Variants in MFN2 observed in about 807,000 individuals in gnomAD.
The protein encoded by MFN2 is mitofusin-2.
A neutral mutation model predicts 87.5 loss-of-function variants in MFN2; 43 were observed. The observed-to-expected ratio is 0.49, with a 90% CI of 0.38 to 0.63. The LOEUF (loss-of-function observed/expected upper bound fraction) is 0.63, where lower values mean the gene tolerates loss of function less well. Among genes scored for constraint, MFN2 ranks in the 30% least tolerant of loss-of-function variants. The pLI is 0.00. For missense variants in MFN2, 743 were observed against 972.8 expected, an observed-to-expected ratio of 0.76 and a Z score of 3.14; for synonymous variants, 337 against 359.9, an observed-to-expected ratio of 0.94 and a Z score of 0.72.
At chr1:12,001,142 C>G (rs947389641) in intron 8 of MFN2, among the ~76,000 whole-genome samples, 2 of 152,202 alleles carry the variant, frequency 1.3e-5, no homozygotes, top group African/African-American at 4.8e-5. Flanking sequence ...TCCTGAGTAG[C>G]TGGGATTACA....
intron 17 of MFN2, among the ~76,000 whole-genome samples, chr1:12,008,942 A>C (rs1351580762): frequency 6.6e-6 from 1 of 152,236 alleles, no homozygotes; most frequent in East Asian, 1.9e-4. Flanking sequence ...CTCCATCTGC[A>C]ATCCCGGCAC....
chr1:12,005,959 A>G (rs767717237), intron 15 of MFN2, 28 bp downstream of exon 15: 1 of 1,603,898 alleles, frequency 6.2e-7, no homozygotes, highest in East Asian at 2.2e-5. Flanking sequence ...CCTCAAGGGC[A>G]TTGTGGGGGG....
chr1:11,991,184 T>C (rs1638657636), intron 3 of MFN2, among the ~76,000 whole-genome samples: 1 of 152,218 alleles, frequency 6.6e-6, no homozygotes, highest in Non-Finnish European at 1.5e-5. Context: ...AGCAGTGCAG[T>C]GATCCAAAGG....
intron 5 of MFN2, 28 bp from the exon 6 acceptor site, chr1:11,997,269 C>T (rs1193264104): frequency 6.2e-7 from 1 of 1,613,718 alleles, no homozygotes; most frequent in Non-Finnish European, 8.5e-7. Flanking sequence ...TCCTCCTCAG[C>T]CTCTTTCTTT....
At chr1:11,995,859 C>T (rs546827486) in intron 4 of MFN2, among the ~76,000 whole-genome samples, 1 of 152,278 alleles carries the variant, frequency 6.6e-6, no homozygotes, top group South Asian at 2.1e-4. Flanking sequence ...TGGAGACAGA[C>T]AGACAGTCTC....
rs541702640 is a variant in MFN2 at position 12,013,362 on chromosome 1, G to C, written c.*1797G>C. Reference sequence around the variant, plus strand: ...AAAGCACTTTAATGCTGCTGACATTGTTGTTTTTATGTTCATTTGCTGGAG... The same window carrying C: ...AAAGCACTTTAATGCTGCTGACATTCTTGTTTTTATGTTCATTTGCTGGAG... On this transcript the variant is annotated 3_prime_UTR_variant, in exon 19 of 19. Coordinates refer to ENST00000235329, the MANE Select transcript of MFN2 (RefSeq NM_014874.4). The C allele has an allele frequency of 6.2e-5, 29 of 470,916 alleles. No individual in the cohort carries two copies. Among genetic ancestry groups the C allele is most frequent in the African/African-American group, 5.6e-4 (28 of 50,200 alleles). 29.2% of individuals were successfully genotyped at this position (470,916 alleles called of 1,614,324 possible). A position where few individuals can be genotyped will look rare whatever the true frequency, so the allele number is the denominator to read the frequency against.
At position 11,992,517 on chromosome 1, in the gene MFN2, TG is replaced by T. The variant is rs373029175; in HGVS notation, c.176-37del. ...CAGACTTGGGACTGTGGAACTCCTC[TG>T]ACCACGTGGTGACCCATTTTCAATC... On this transcript the variant is annotated intron_variant, in intron 3 of 18. Transcript: ENST00000235329. 17 of 1,614,024 alleles carry T rather than the reference TG, an allele frequency of 1.1e-5. No individual in the cohort carries two copies. The African/African-American group carries it at 2.3e-4, about 22-fold the overall frequency.
intron 8 of MFN2, among the ~76,000 whole-genome samples, chr1:11,999,634 A>G (rs1415769819): frequency 6.6e-6 from 1 of 151,454 alleles, no homozygotes; most frequent in Non-Finnish European, 1.5e-5. Context: ...CTGGGATTAC[A>G]GGCATGAGCC....
At chr1:12,011,454 A>G (rs1367455030) in intron 18 of MFN2, 42 bp from the exon 19 acceptor site, 11 of 1,609,322 alleles carry the variant, frequency 6.8e-6, no homozygotes, top group Non-Finnish European at 9.4e-6. Flanking sequence ...AATACTGCCT[A>G]TCATCAGCTA....
chr1:11,998,657 C>T (rs557077901), intron 6 of MFN2, 113 bp from the exon 7 acceptor site: 7 of 927,640 alleles, frequency 7.5e-6, no homozygotes, highest in Non-Finnish European at 1.3e-5. Flanking sequence ...CTCTCCCGTC[C>T]CTGGCTTTCT....
chr1:12,005,674 AG>A (rs1478642763), intron 14 of MFN2, 36 bp from the exon 15 acceptor site: 10 of 1,595,506 alleles, frequency 6.3e-6, no homozygotes, highest in African/African-American at 2.7e-5. Context: ...TGCAGGGCTG[AG>A]CTGATAAGCT....
In MFN2 at chr1:12,012,395, TGAAGGATGTAGTA is replaced by T. The variant is rs1448444243; in HGVS notation, c.*839_*851del. 6.6e-6 allele frequency: 1 copy of T among 152,520 alleles called. No individual in the cohort carries two copies. The highest frequency in any genetic ancestry group is 2.4e-5 in the African/African-American group (1 of 41,332). 9.4% of individuals were successfully genotyped at this position (152,520 alleles called of 1,614,324 possible). A position where few individuals can be genotyped will look rare whatever the true frequency, so the allele number is the denominator to read the frequency against. On this transcript the variant is annotated 3_prime_UTR_variant, in exon 19 of 19. Transcript: ENST00000235329. ...TGGAAGATGGCATGGTCTAGGTGGT[TGAAGGATGTAGTA>T]GAAGGATGGATGGTGGAAGGTGGGG...
chr1:11,998,136 C>T (rs1639009878), intron 6 of MFN2, among the ~76,000 whole-genome samples: 2 of 151,696 alleles, frequency 1.3e-5, no homozygotes. Flanking sequence ...CCCACCTTAG[C>T]CTCCCAAAGT....
At chr1:12,006,066 C>A in intron 15 of MFN2, 135 bp downstream of exon 15, 1 of 762,892 alleles carries the variant, frequency 1.3e-6, no homozygotes. Context: ...CACAGTACAC[C>A]ACAGACAGAA....
At chr1:11,980,860 G>A (rs939650858) in intron 1 of MFN2, among the ~76,000 whole-genome samples, 2 of 152,232 alleles carry the variant, frequency 1.3e-5, no homozygotes, top group Non-Finnish European at 2.9e-5. Context: ...ACTTTGGGCA[G>A]TTACTGCCTT....
At chr1:11,981,251 T>C in intron 1 of MFN2, among the ~76,000 whole-genome samples, 1 of 152,180 alleles carries the variant, frequency 6.6e-6, no homozygotes. Flanking sequence ...ACACCTGTAA[T>C]CCCAGCACTT....
intron 3 of MFN2, among the ~76,000 whole-genome samples, chr1:11,991,920 T>A (rs1256013696): frequency 1.3e-4 from 2 of 15,804 alleles, no homozygotes; most frequent in Non-Finnish European, 1.3e-4. Flanking sequence ...CGAGACTCCG[T>A]CTCAAAAAAA....
chr1:11,984,569 A>G (rs1638311163), intron 2 of MFN2, among the ~76,000 whole-genome samples: 1 of 152,118 alleles, frequency 6.6e-6, no homozygotes, highest in South Asian at 2.1e-4. Flanking sequence ...AGCCCTTGTT[A>G]TGGTTTTTTG....
Position 12,007,055 on chromosome 1 carries a change from G to T in MFN2, c.1875G>T (p.Val625=). ...SMGILVVGGV[V]WKAVGWRLIA... is the part of the protein sequence containing the mutation. ...CAGGCTGACCATGTGCTCTGCAGGT[G>T]TGGAAGGCAGTGGGCTGGCGGCTCA... Residue 625 remains valine, a splice_region_variant and synonymous_variant, in exon 17 of 19, where the codon GTG becomes GTT. Coordinates refer to ENST00000235329, the MANE Select transcript of MFN2 (RefSeq NM_014874.4). The T allele has an allele frequency of 6.2e-7, 1 of 1,613,508 alleles. No individual in the cohort carries two copies. The highest frequency in any genetic ancestry group is 8.5e-7 in the Non-Finnish European group (1 of 1,180,050).
Sources: gnomAD v4.1 joint callset for allele counts (sites outside exome capture counted in the v4.1 genomes callset) on GRCh38, gnomAD v4.1.1 for gene constraint, MANE v1.5 for transcripts, NCBI Gene and HGNC (gene_info 2026-07-23, HGNC 2026-07-21) for gene names.